Variants in MEMO1 observed in about 807,000 individuals in gnomAD.
MEMO1 encodes mediator of cell motility 1.
Under a neutral mutation model 45.2 loss-of-function variants are expected in MEMO1, and 6 were observed. The observed-to-expected ratio is 0.13, with a 90% CI of 0.07 to 0.26. The LOEUF (loss-of-function observed/expected upper bound fraction) is 0.26. MEMO1 is among the 10% of genes least tolerant of loss of function. The pLI is 1.00. For missense variants in MEMO1, 184 were observed against 370.5 expected (o/e 0.50, Z 4.13); for synonymous variants, 78 against 124.3 (o/e 0.63, Z 2.48).
At chr2:31,890,161 A>G (rs1347468642) in intron 7 of MEMO1, among the ~76,000 whole-genome samples, 1 of 152,182 alleles carries the variant, frequency 6.6e-6, no homozygotes, top group Non-Finnish European at 1.5e-5. Context: ...GAAAAGAGCA[A>G]TATTGAAATG....
chr2:31,894,754 T>C (rs911306013), intron 6 of MEMO1, among the ~76,000 whole-genome samples: 2 of 152,076 alleles, frequency 1.3e-5, no homozygotes, highest in South Asian at 2.1e-4. Flanking sequence ...TAAGACAACA[T>C]AATAAAAAGT....
intron 2 of MEMO1, among the ~76,000 whole-genome samples, chr2:31,948,955 T>A (rs1389275323): frequency 1.3e-5 from 2 of 152,058 alleles, no homozygotes; most frequent in African/African-American, 4.8e-5. Flanking sequence ...GGCAAAAATC[T>A]TAATAGACAT....
chr2:31,888,375 C>T (rs1162204978), intron 7 of MEMO1, among the ~76,000 whole-genome samples: 2 of 152,012 alleles, frequency 1.3e-5, no homozygotes, highest in African/African-American at 4.8e-5. Context: ...GTGAAAATTA[C>T]GTTAATGAAA....
intron 6 of MEMO1, among the ~76,000 whole-genome samples, chr2:31,911,118 A>G (rs189213748): frequency 2.1e-4 from 32 of 152,292 alleles, no homozygotes; most frequent in African/African-American, 7.5e-4. Flanking sequence ...TATAGCAACA[A>G]TCCTTCAGGA....
chr2:31,887,205 A>G (rs1676308648), intron 7 of MEMO1, among the ~76,000 whole-genome samples: 1 of 152,218 alleles, frequency 6.6e-6, no homozygotes, highest in Non-Finnish European at 1.5e-5. Flanking sequence ...AACACACAAC[A>G]ATCAACTAAT....
intron 6 of MEMO1, among the ~76,000 whole-genome samples, chr2:31,913,530 T>TA (rs1197061408): frequency 1.1e-3 from 170 of 151,804 alleles, no homozygotes; most frequent in African/African-American, 3.8e-3. Flanking sequence ...TTTTTTTTTT[T>TA]TTATTTTTTG....
chr2:31,923,264 A>G (rs745787957), intron 4 of MEMO1, among the ~76,000 whole-genome samples: 8 of 152,082 alleles, frequency 5.3e-5, no homozygotes, highest in African/African-American at 9.7e-5. Context: ...CCACGTATGT[A>G]TCTTCTTTTG....
At chr2:31,998,331 T>G (rs1672850375) in intron 2 of MEMO1, among the ~76,000 whole-genome samples, 1 of 152,118 alleles carries the variant, frequency 6.6e-6, no homozygotes, top group Non-Finnish European at 1.5e-5. Flanking sequence ...TTTCTTTACT[T>G]GGTTCCCAGG....
intron 3 of MEMO1, among the ~76,000 whole-genome samples, chr2:31,934,718 T>C (rs1295666210): frequency 6.6e-6 from 1 of 152,074 alleles, no homozygotes; most frequent in Non-Finnish European, 1.5e-5. Flanking sequence ...TTCTGAAAAA[T>C]GCTGTGAGCT....
rs146815098 is a variant in MEMO1 at position 31,966,668 on chromosome 2, G to C, written c.62-23285C>G. 9.9e-3 allele frequency among the ~76,000 whole-genome samples: 1,465 copies of C among 148,426 alleles called. 24 individuals are homozygous for C. Among genetic ancestry groups the C allele is most frequent in the South Asian group, 0.048 (229 of 4,722 alleles). On this transcript the variant is annotated intron_variant, in intron 2 of 9. Coordinates refer to ENST00000404530, the MANE Select transcript of MEMO1 (RefSeq NM_001301833.4). ...TCACTTGAACTTCCGCTGAAGCAGAGGTTGCAGTGAGCCCAGATCGCACCA... is the reference window on the plus strand; with the variant it reads ...TCACTTGAACTTCCGCTGAAGCAGACGTTGCAGTGAGCCCAGATCGCACCA...
chr2:31,902,188 G>A (rs1678942985), intron 6 of MEMO1, among the ~76,000 whole-genome samples: 1 of 152,000 alleles, frequency 6.6e-6, no homozygotes, highest in Admixed American at 6.6e-5. Flanking sequence ...AGGCAGAGGA[G>A]GGCGGATCAC....
intron 2 of MEMO1, among the ~76,000 whole-genome samples, chr2:31,958,268 G>T (rs1487087360): frequency 6.6e-6 from 1 of 151,904 alleles, no homozygotes; most frequent in East Asian, 2.0e-4. Flanking sequence ...AGTTGTTGGT[G>T]CTTGAGCATG....
intron 6 of MEMO1, among the ~76,000 whole-genome samples, chr2:31,910,583 G>C (rs751076479): frequency 6.6e-6 from 1 of 152,160 alleles, no homozygotes; most frequent in Non-Finnish European, 1.5e-5. Context: ...GTTGTTAGCC[G>C]GGTGCAGTGG....
At chr2:31,945,055 AT>A (rs1177425157) in intron 2 of MEMO1, among the ~76,000 whole-genome samples, 1 of 152,082 alleles carries the variant, frequency 6.6e-6, no homozygotes, top group African/African-American at 2.4e-5. Flanking sequence ...TTATCATTCT[AT>A]TCTACTTTCA....
chr2:31,934,866 G>C (rs963762060), intron 3 of MEMO1, among the ~76,000 whole-genome samples: 3 of 152,110 alleles, frequency 2.0e-5, no homozygotes, highest in African/African-American at 4.8e-5. Flanking sequence ...CCAAGCATGA[G>C]GTACTAATGT....
chr2:31,881,705 TA>T, intron 8 of MEMO1, among the ~76,000 whole-genome samples: 1 of 152,158 alleles, frequency 6.6e-6, no homozygotes, highest in East Asian at 1.9e-4. Flanking sequence ...CTCCAGGCCA[TA>T]AAGTTCAAGT....
At chr2:31,899,457 G>A (rs762688210) in intron 6 of MEMO1, among the ~76,000 whole-genome samples, 3 of 152,154 alleles carry the variant, frequency 2.0e-5, no homozygotes, top group Non-Finnish European at 4.4e-5. Flanking sequence ...TTTAATAAAT[G>A]GTGTTGGGAA....
At chr2:31,981,269 G>A (rs1203238045) in intron 2 of MEMO1, among the ~76,000 whole-genome samples, 1 of 152,136 alleles carries the variant, frequency 6.6e-6, no homozygotes, top group African/African-American at 2.4e-5. Flanking sequence ...GAGCTCCCTG[G>A]TTTCCTCAAT....
intron 3 of MEMO1, among the ~76,000 whole-genome samples, chr2:31,942,404 T>C (rs1383521697): frequency 1.3e-5 from 2 of 152,236 alleles, no homozygotes; most frequent in Admixed American, 1.3e-4. Context: ...GCTACCAAAA[T>C]TGGCAAGTTT....
Sources: allele counts gnomAD v4.1 joint callset (sites outside exome capture counted in the v4.1 genomes callset), GRCh38; gene constraint gnomAD v4.1.1; transcripts MANE v1.5; gene names NCBI Gene and HGNC (gene_info 2026-07-23, HGNC 2026-07-21).